The following MARCHF1 variants were observed in gnomAD, a reference collection of about 807,000 sequenced individuals.
MARCHF1 encodes E3 ubiquitin-protein ligase MARCHF1.
Under a neutral mutation model 54.2 loss-of-function variants are expected in MARCHF1, and 40 were observed. The ratio of observed to expected loss-of-function variants is 0.74; its 90% CI spans 0.57 to 0.96. The LOEUF (loss-of-function observed/expected upper bound fraction) is 0.96. Among genes scored for constraint, MARCHF1 ranks in the 40% least tolerant of loss-of-function variants. The pLI is 0.00. For synonymous variants in MARCHF1, 236 were observed against 236.3 expected, an observed-to-expected ratio of 1.00 and a Z score of 0.01; for missense variants, 586 against 656.5, an observed-to-expected ratio of 0.89 and a Z score of 1.17.
intron 3 of MARCHF1, among the ~76,000 whole-genome samples, chr4:163,979,787 T>C (rs1332491771): frequency 6.6e-6 from 1 of 152,174 alleles, no homozygotes; most frequent in Non-Finnish European, 1.5e-5. Context: ...GATGAGCATT[T>C]TTTCATGTGT....
At chr4:163,633,449 G>C (rs1742185004) in intron 5 of MARCHF1, among the ~76,000 whole-genome samples, 2 of 152,206 alleles carry the variant, frequency 1.3e-5, no homozygotes, top group South Asian at 4.1e-4. Context: ...CGTAAAGAAT[G>C]CAGAAGCCTC....
At chr4:164,080,669 T>C (rs1755076577) in intron 2 of MARCHF1, among the ~76,000 whole-genome samples, 1 of 149,482 alleles carries the variant, frequency 6.7e-6, no homozygotes, top group East Asian at 2.0e-4. Flanking sequence ...TGTGTGTGTG[T>C]GTATATATAT....
At chr4:164,351,186 G>T (rs979459967) in intron 1 of MARCHF1, among the ~76,000 whole-genome samples, 1 of 151,506 alleles carries the variant, frequency 6.6e-6, no homozygotes, top group Admixed American at 6.6e-5. Context: ...GGCTGGGGTA[G>T]GGGCGCCCGC....
chr4:163,878,631 A>G (rs1030050247), intron 3 of MARCHF1, among the ~76,000 whole-genome samples: 5 of 152,190 alleles, frequency 3.3e-5, no homozygotes, highest in African/African-American at 1.2e-4. Context: ...TCTCTCTTGG[A>G]TGGTGAGAAG....
At chr4:163,860,117 A>G (rs538009367) in intron 3 of MARCHF1, among the ~76,000 whole-genome samples, 1 of 152,322 alleles carries the variant, frequency 6.6e-6, no homozygotes, top group South Asian at 2.1e-4. Flanking sequence ...TGCAGAACAA[A>G]CCACTACCCC....
In MARCHF1 at chr4:163,693,799, T is replaced by C. The variant is rs191952765; in HGVS notation, c.162+7014A>G. Among the ~76,000 whole-genome samples, 6 of 152,302 alleles carry C rather than the reference T, an allele frequency of 3.9e-5. No individual in the cohort carries two copies. In the East Asian group the frequency reaches 1.2e-3, roughly 29 times the overall value. On this transcript the variant is annotated intron_variant, in intron 5 of 9. Transcript: ENST00000514618. The stretch of plus-strand genomic sequence containing the variant: ...GGCAGAGCAGCAATTTATTGAACAA[T>C]GGAACTAACTCATTATAAGAAAGTA...
At chr4:164,058,365 C>A (rs1367742328) in intron 2 of MARCHF1, among the ~76,000 whole-genome samples, 3 of 152,092 alleles carry the variant, frequency 2.0e-5, no homozygotes, top group Non-Finnish European at 4.4e-5. Flanking sequence ...AAATTTGATA[C>A]CATTACTTGC....
chr4:164,327,038 G>A (rs1425911798), intron 1 of MARCHF1, among the ~76,000 whole-genome samples: 1 of 149,884 alleles, frequency 6.7e-6, no homozygotes, highest in African/African-American at 2.5e-5. Context: ...GTAAGTACTA[G>A]TAGGTGTTAG....
chr4:163,656,594 CACA>C (rs1482832429), intron 5 of MARCHF1, among the ~76,000 whole-genome samples: 1 of 151,864 alleles, frequency 6.6e-6, no homozygotes, highest in Non-Finnish European at 1.5e-5. Context: ...CTGGCAGAGA[CACA>C]ACAACAACAA....
At chr4:164,311,087 A>G (rs1220468870) in intron 1 of MARCHF1, among the ~76,000 whole-genome samples, 1 of 152,182 alleles carries the variant, frequency 6.6e-6, no homozygotes, top group East Asian at 1.9e-4. Context: ...TTGCCTCCAG[A>G]AATAAAGTAG....
intron 1 of MARCHF1, among the ~76,000 whole-genome samples, chr4:164,345,077 T>C (rs1038277625): frequency 6.6e-6 from 1 of 152,156 alleles, no homozygotes; most frequent in African/African-American, 2.4e-5. Context: ...TCTATACCAT[T>C]GTAGGATAAC....
At chr4:164,183,377 A>C (rs1013111493) in intron 1 of MARCHF1, among the ~76,000 whole-genome samples, 1 of 152,054 alleles carries the variant, frequency 6.6e-6, no homozygotes, top group Admixed American at 6.6e-5. Context: ...TATTTGGTCT[A>C]TTTCTTTATA....
chr4:163,747,702 A>T (rs1243589955), intron 4 of MARCHF1, among the ~76,000 whole-genome samples: 1 of 152,238 alleles, frequency 6.6e-6, no homozygotes, highest in Non-Finnish European at 1.5e-5. Flanking sequence ...AAACTCACAT[A>T]ACAATAAATT....
At chr4:164,224,903 A>AG (rs1732208868) in intron 1 of MARCHF1, among the ~76,000 whole-genome samples, 1 of 152,080 alleles carries the variant, frequency 6.6e-6, no homozygotes, top group African/African-American at 2.4e-5. Flanking sequence ...GTAAAAGTTT[A>AG]GGGTTTTTTT....
intron 4 of MARCHF1, among the ~76,000 whole-genome samples, chr4:163,794,042 C>T (rs1216903120): frequency 6.6e-6 from 1 of 152,178 alleles, no homozygotes; most frequent in Non-Finnish European, 1.5e-5. Flanking sequence ...TTTCTAAGTA[C>T]TTTTTGAAAT....
chr4:164,274,480 TAA>T (rs1296870380), intron 1 of MARCHF1, among the ~76,000 whole-genome samples: 1 of 151,926 alleles, frequency 6.6e-6, no homozygotes, highest in Non-Finnish European at 1.5e-5. Flanking sequence ...AAAAAATTAT[TAA>T]GAGGAAAATC....
At chr4:164,330,493 G>T (rs1465400893) in intron 1 of MARCHF1, among the ~76,000 whole-genome samples, 1 of 152,086 alleles carries the variant, frequency 6.6e-6, no homozygotes, top group Non-Finnish European at 1.5e-5. Flanking sequence ...CAAAATGAAA[G>T]CTCCATATGC....
At chr4:163,770,988 T>C (rs766448058) in intron 4 of MARCHF1, among the ~76,000 whole-genome samples, 4 of 152,228 alleles carry the variant, frequency 2.6e-5, no homozygotes, top group Non-Finnish European at 4.4e-5. Context: ...TCTACTTACA[T>C]ATTTTTAATT....
chr4:164,243,788 A>G (rs1171168348), intron 1 of MARCHF1, among the ~76,000 whole-genome samples: 1 of 152,190 alleles, frequency 6.6e-6, no homozygotes, highest in Non-Finnish European at 1.5e-5. Context: ...GGAAAACAAA[A>G]AAAGGCAGGG....
Sources: gnomAD v4.1 joint callset for allele counts (sites outside exome capture counted in the v4.1 genomes callset) on GRCh38, gnomAD v4.1.1 for gene constraint, MANE v1.5 for transcripts, NCBI Gene and HGNC (gene_info 2026-07-23, HGNC 2026-07-21) for gene names.